TUSC3: variants seen among roughly 807,000 people sequenced by gnomAD.
TUSC3 encodes the protein dolichyl-diphosphooligosaccharide--protein glycosyltransferase subunit TUSC3.
In TUSC3, 45 loss-of-function variants were observed where a neutral mutation model predicts 44.8. That is an observed-to-expected ratio of 1.00 (90% CI 0.79 to 1.29). TUSC3 has a LOEUF of 1.29. Ranked by LOEUF, TUSC3 falls within the 50% of genes most tolerant of loss-of-function variation. The pLI, the probability that TUSC3 is intolerant of heterozygous loss-of-function variation, is 0.00. For missense variants in TUSC3, 519 were observed against 437.9 expected (o/e 1.19, Z -1.65); for synonymous variants, 212 against 152.9 (o/e 1.39, Z -2.85).
chr8:15,465,155 C>G (rs947567687), intron 1 of TUSC3, among the ~76,000 whole-genome samples: 1 of 152,164 alleles, frequency 6.6e-6, no homozygotes, highest in African/African-American at 2.4e-5. Context: ...TCAAAGACTT[C>G]TAATACAAAT....
chr8:15,663,484 T>C (rs1476919984), intron 5 of TUSC3, among the ~76,000 whole-genome samples: 1 of 151,852 alleles, frequency 6.6e-6, no homozygotes, highest in African/African-American at 2.4e-5. Flanking sequence ...TTGGAAGTGA[T>C]AGGACAGACT....
intron 2 of TUSC3, among the ~76,000 whole-genome samples, chr8:15,510,379 C>G (rs997669632): frequency 6.6e-6 from 1 of 151,932 alleles, no homozygotes; most frequent in Non-Finnish European, 1.5e-5. Flanking sequence ...AGAGAGGGTA[C>G]AATTACCAAT....
intron 1 of TUSC3, among the ~76,000 whole-genome samples, chr8:15,481,206 C>A (rs1800655425): frequency 6.9e-6 from 1 of 145,252 alleles, no homozygotes; most frequent in Admixed American, 7.0e-5. Context: ...GAGATGGCAC[C>A]ATTGCACTAC....
At chr8:15,539,852 C>T (rs1249226852), upstream of TUSC3, among the ~76,000 whole-genome samples, 1 of 152,078 alleles carries the variant, frequency 6.6e-6, no homozygotes, top group African/African-American at 2.4e-5. Context: ...GGGGCGGCTT[C>T]TGTGCATCGG....
intron 1 of TUSC3, among the ~76,000 whole-genome samples, chr8:15,473,740 C>T (rs2129123354): frequency 6.6e-6 from 1 of 152,236 alleles, no homozygotes; most frequent in Non-Finnish European, 1.5e-5. Context: ...AGATCACATG[C>T]TTCAAAGGGC....
chr8:15,519,236 A>T (rs17121587), intron 2 of TUSC3, among the ~76,000 whole-genome samples: 13,594 of 152,154 alleles, frequency 0.089, 1,234 homozygotes, highest in African/African-American at 0.23. Context: ...TAGTTTAAAA[A>T]TTTTTTAGAG....
At chr8:15,782,357 T>C in the TUSC3 span, among the ~76,000 whole-genome samples, 4 of 152,008 alleles carry the variant, frequency 2.6e-5, no homozygotes, top group African/African-American at 9.7e-5. Context: ...CATGTGCCTG[T>C]AGTCATAGCT....
chr8:15,433,114 A>G (rs1329449281), intron 1 of TUSC3, among the ~76,000 whole-genome samples: 1 of 152,180 alleles, frequency 6.6e-6, no homozygotes, highest in African/African-American at 2.4e-5. Context: ...TGCATTTGCT[A>G]GTCCTTTTTG....
the TUSC3 span, among the ~76,000 whole-genome samples, chr8:15,832,038 T>C: frequency 6.6e-6 from 1 of 151,958 alleles, no homozygotes; most frequent in South Asian, 2.1e-4. Flanking sequence ...TGAAGGGAGC[T>C]AGAGAGAAAG....
intron 1 of TUSC3, among the ~76,000 whole-genome samples, chr8:15,592,848 G>C (rs1006073763): frequency 6.6e-6 from 1 of 152,036 alleles, no homozygotes; most frequent in African/African-American, 2.4e-5. Flanking sequence ...TTAAAGATGA[G>C]GAAAACGAGG....
At chr8:15,750,002 C>CG (rs1811623776) in intron 9 of TUSC3, among the ~76,000 whole-genome samples, 1 of 137,756 alleles carries the variant, frequency 7.3e-6, no homozygotes, top group Non-Finnish European at 1.6e-5. Flanking sequence ...TTTTTTGAAA[C>CG]GGAGTCTTGC....
At chr8:15,727,009 T>C (rs1810522604) in intron 6 of TUSC3, among the ~76,000 whole-genome samples, 1 of 152,112 alleles carries the variant, frequency 6.6e-6, no homozygotes, top group African/African-American at 2.4e-5. Flanking sequence ...GAATAAATTA[T>C]CCTGAGTTAC....
At chr8:15,612,741 CTTT>C (rs1335575212) in intron 1 of TUSC3, among the ~76,000 whole-genome samples, 1 of 151,952 alleles carries the variant, frequency 6.6e-6, no homozygotes, top group Non-Finnish European at 1.5e-5. Context: ...AAGGATGGGG[CTTT>C]TTTGTTTTGT....
intron 1 of TUSC3, among the ~76,000 whole-genome samples, chr8:15,419,621 TTAAA>T (rs1799713466): frequency 1.3e-5 from 2 of 152,216 alleles, no homozygotes; most frequent in Admixed American, 1.3e-4. Context: ...GTGAATTCAA[TTAAA>T]TAATGCAAAC....
At chr8:15,427,889 C>T (rs1190214603) in intron 1 of TUSC3, among the ~76,000 whole-genome samples, 2 of 152,096 alleles carry the variant, frequency 1.3e-5, no homozygotes, top group African/African-American at 4.8e-5. Flanking sequence ...TCAAGTTTTC[C>T]ATTTAAGTCT....
chr8:15,566,881 C>G (rs1009842725), intron 1 of TUSC3, among the ~76,000 whole-genome samples: 7 of 152,106 alleles, frequency 4.6e-5, no homozygotes, highest in African/African-American at 1.7e-4. Context: ...TATCCTGCGG[C>G]TTCGGCCTCC....
upstream of TUSC3, among the ~76,000 whole-genome samples, chr8:15,539,603 C>T (rs1018836287): frequency 6.6e-5 from 10 of 152,160 alleles, no homozygotes; most frequent in African/African-American, 2.4e-4. Context: ...CCACCTGCCT[C>T]AGCCTCCCAA....
chr8:15,812,638 G>A, the TUSC3 span, among the ~76,000 whole-genome samples: 1,657 of 152,294 alleles, frequency 0.011, 23 homozygotes, highest in African/African-American at 0.038. Context: ...TACTGGGGAT[G>A]GAGGACAGTG....
chr8:15,582,976 A>T (rs1197360977), intron 1 of TUSC3, among the ~76,000 whole-genome samples: 1 of 152,194 alleles, frequency 6.6e-6, no homozygotes, highest in Non-Finnish European at 1.5e-5. Context: ...CAAATCTTAC[A>T]TTTAGAGATC....
Sources: gnomAD v4.1 joint callset for allele counts (sites outside exome capture counted in the v4.1 genomes callset) on GRCh38, gnomAD v4.1.1 for gene constraint, MANE v1.5 for transcripts, NCBI Gene and HGNC (gene_info 2026-07-23, HGNC 2026-07-21) for gene names.